The following CD3E variants were observed in gnomAD, a reference collection of about 807,000 sequenced individuals.
CD3E encodes the protein CD3 epsilon subunit of T-cell receptor complex, also known as T-cell surface glycoprotein CD3 epsilon chain.
CD3E carries 16 observed loss-of-function variants against 34.7 expected under a neutral mutation model. That is an observed-to-expected ratio of 0.46 (90% CI 0.31 to 0.70). CD3E has a LOEUF of 0.70. Ranked by LOEUF, CD3E falls within the 30% of genes least tolerant of loss-of-function variation. CD3E has a pLI of 0.05. For synonymous variants in CD3E, 70 were observed against 90.8 expected (o/e 0.77, Z 1.30); for missense variants, 223 against 253.9 (o/e 0.88, Z 0.83).
At chr11:118,305,715 C>T (rs1948101929) in intron 2 of CD3E, among the ~76,000 whole-genome samples, 1 of 152,140 alleles carries the variant, frequency 6.6e-6, no homozygotes, top group African/African-American at 2.4e-5. Flanking sequence ...CTCTCTACTT[C>T]ACAGATTAAG....
intron 4 of CD3E, among the ~76,000 whole-genome samples, chr11:118,310,776 G>A (rs1043930003): frequency 6.6e-6 from 1 of 152,112 alleles, no homozygotes; most frequent in Non-Finnish European, 1.5e-5. Flanking sequence ...CATTTAACAT[G>A]TCTAAGAAAC....
At chr11:118,305,040 A>G in intron 2 of CD3E, 39 bp downstream of exon 2, 1 of 1,594,294 alleles carries the variant, frequency 6.3e-7, no homozygotes, top group Non-Finnish European at 8.6e-7. Flanking sequence ...GTGTCTCCAG[A>G]CCGCTGGAAG....
chr11:118,312,484 G>C (rs756797003), intron 5 of CD3E, 134 bp from the exon 6 acceptor site: 125 of 1,033,586 alleles, frequency 1.2e-4, no homozygotes, highest in Middle Eastern at 2.1e-4. Flanking sequence ...AGCCAGTAGA[G>C]CTCCCTTCTG....
In CD3E at chr11:118,315,497, A is replaced by G. The variant is rs759238312; in HGVS notation, c.579A>G (p.Lys193=). The change falls in exon 9 of 9, where the codon AAA becomes AAG. Residue 193 remains lysine (K), a synonymous_variant. Coordinates refer to ENST00000361763, the MANE Select transcript of CD3E (RefSeq NM_000733.4). ...TATTTCACCCCCAGCCCATCCGGAA[A>G]GGCCAGCGGGACCTGTATTCTGGCC... ...VPNPDYEPIR[K]GQRDLYSGLN... is the part of the protein sequence containing the mutation. The G allele has an allele frequency of 1.9e-6, 3 of 1,613,264 alleles. No homozygotes were observed. In the African/African-American group the frequency reaches 4.0e-5, roughly 22 times the overall value.
chr11:118,315,559 G>C lies in CD3E; in HGVS notation c.*17G>C. On this transcript the variant is annotated 3_prime_UTR_variant, in exon 9 of 9. Coordinates refer to ENST00000361763, the MANE Select transcript of CD3E (RefSeq NM_000733.4). ...CGCATCTGACCCTCTGGAGAACACT[G>C]CCTCCCGCTGGCCCAGGTCTCCTCT... The C allele has an allele frequency of 6.2e-7, 1 of 1,605,512 alleles. No homozygotes were observed. The highest frequency in any genetic ancestry group is 8.5e-7 in the Non-Finnish European group (1 of 1,175,622).
intron 4 of CD3E, among the ~76,000 whole-genome samples, chr11:118,311,613 T>C (rs887451796): frequency 2.6e-5 from 4 of 152,082 alleles, no homozygotes; most frequent in Admixed American, 1.3e-4. Flanking sequence ...TATGAGGGAC[T>C]CAGTTCTGAG....
rs148139955 is a variant in CD3E, at chr11:118,314,841, C to T, written c.567+347C>T. 2.4e-3 allele frequency among the ~76,000 whole-genome samples: 368 copies of T among 151,898 alleles called. 2 individuals carry two copies. The highest frequency in any genetic ancestry group is 8.3e-3 in the African/African-American group (342 of 41,444). ...ATTCCACCAGCATGCACCAGTATAGCGAGTTATTGAAATATTAAAATTATA... is the reference window on the plus strand; with the variant it reads ...ATTCCACCAGCATGCACCAGTATAGTGAGTTATTGAAATATTAAAATTATA... On this transcript the variant is annotated intron_variant, in intron 8 of 8. Transcript: ENST00000361763.
At chr11:118,311,495 T>A (rs1948135396) in intron 4 of CD3E, among the ~76,000 whole-genome samples, 1 of 152,240 alleles carries the variant, frequency 6.6e-6, no homozygotes, top group Admixed American at 6.5e-5. Context: ...TGAAGCCACT[T>A]TTTATTGGAA....
chr11:118,312,490 T>G, intron 5 of CD3E, 128 bp from the exon 6 acceptor site: 1 of 1,114,414 alleles, frequency 9.0e-7, no homozygotes, highest in Non-Finnish European at 1.4e-6. Context: ...TAGAGCTCCC[T>G]TCTGACAAGC....
intron 3 of CD3E, among the ~76,000 whole-genome samples, chr11:118,307,931 G>A (rs1948116685): frequency 6.6e-6 from 1 of 152,166 alleles, no homozygotes; most frequent in Non-Finnish European, 1.5e-5. Flanking sequence ...CACTTTGGGA[G>A]GCCGAGGTGG....
chr11:118,313,589 C>A, intron 6 of CD3E, 118 bp from the exon 7 acceptor site: 1 of 922,766 alleles, frequency 1.1e-6, no homozygotes, highest in Non-Finnish European at 1.7e-6. Context: ...GGGCTCTGAC[C>A]GTGGCAAGCG....
At chr11:118,305,955 C>T (rs747105142) in intron 2 of CD3E, among the ~76,000 whole-genome samples, 5 of 152,154 alleles carry the variant, frequency 3.3e-5, no homozygotes, top group Non-Finnish European at 7.3e-5. Flanking sequence ...GGGTTTCTCA[C>T]GTCTTGAATG....
At chr11:118,313,592 G>T (rs545233896) in intron 6 of CD3E, 115 bp from the exon 7 acceptor site, 154 of 951,632 alleles carry the variant, frequency 1.6e-4, no homozygotes, top group Non-Finnish European at 2.4e-4. Context: ...CTCTGACCGT[G>T]GCAAGCGTGT....
At chr11:118,315,056 A>G (rs1278693817) in intron 8 of CD3E, among the ~76,000 whole-genome samples, 3 of 151,882 alleles carry the variant, frequency 2.0e-5, no homozygotes, top group Non-Finnish European at 4.4e-5. Flanking sequence ...TTGGGGTAAC[A>G]AAGAGTTAAT....
Position 118,314,545 on chromosome 11 carries a change from G to A in CD3E, c.567+51G>A, listed in dbSNP as rs376993924. 3.9e-6 allele frequency: 6 copies of A among 1,547,824 alleles called. No homozygotes were observed. In the African/African-American group the frequency reaches 6.8e-5, roughly 18 times the overall value. ...GACGCTGGAGGGGATGTCCCTCCAG[G>A]GGGGAAGGAAACAGATGGGATGGCC... On this transcript the variant is annotated intron_variant, in intron 8 of 8. Coordinates refer to ENST00000361763, the MANE Select transcript of CD3E (RefSeq NM_000733.4).
chr11:118,306,767 C>G (rs1948109105), intron 2 of CD3E, among the ~76,000 whole-genome samples: 1 of 152,120 alleles, frequency 6.6e-6, no homozygotes, highest in Non-Finnish European at 1.5e-5. Context: ...TGTGGTCAGG[C>G]TCTTCAATGC....
intron 4 of CD3E, among the ~76,000 whole-genome samples, chr11:118,310,118 T>G (rs951776313): frequency 6.6e-6 from 1 of 152,276 alleles, no homozygotes; most frequent in East Asian, 1.9e-4. Flanking sequence ...CACACATATC[T>G]TTTTTTAACT....
chr11:118,313,020 G>A (rs556653813), intron 6 of CD3E, 154 bp downstream of exon 6: 70 of 823,604 alleles, frequency 8.5e-5, no homozygotes, highest in Admixed American at 8.4e-4. Flanking sequence ...GTACCACACG[G>A]CATCAGTGTT....
chr11:118,311,451 T>C (rs992005166), intron 4 of CD3E, among the ~76,000 whole-genome samples: 1 of 152,200 alleles, frequency 6.6e-6, no homozygotes, highest in Non-Finnish European at 1.5e-5. Flanking sequence ...ACAAAAATAA[T>C]TGAGAGCTGA....
Sources: gnomAD v4.1 joint callset for allele counts (sites outside exome capture counted in the v4.1 genomes callset) on GRCh38, gnomAD v4.1.1 for gene constraint, MANE v1.5 for transcripts, NCBI Gene and HGNC (gene_info 2026-07-23, HGNC 2026-07-21) for gene names.